VAV3: variants seen among roughly 807,000 people sequenced by gnomAD.
VAV3 encodes the protein vav guanine nucleotide exchange factor 3.
VAV3 carries 94 observed loss-of-function variants against 131.2 expected under a neutral mutation model. The observed-to-expected ratio is 0.72, with a 90% CI of 0.61 to 0.85. The LOEUF is 0.85. Among genes scored for constraint, VAV3 ranks in the 40% least tolerant of loss-of-function variants. The pLI is 0.00. For missense variants in VAV3, 939 were observed against 1,002.7 expected (o/e 0.94, Z 0.86); for synonymous variants, 349 against 342.0 (o/e 1.02, Z -0.22).
chr1:107,954,492 T>C (rs569348665), intron 1 of VAV3, among the ~76,000 whole-genome samples: 2 of 152,046 alleles, frequency 1.3e-5, no homozygotes, highest in Non-Finnish European at 2.9e-5. Context: ...AATAGTGTGA[T>C]AAATGTGTAT....
chr1:107,954,534 ATTTTT>A (rs5776909), intron 1 of VAV3, among the ~76,000 whole-genome samples: 4 of 130,570 alleles, frequency 3.1e-5, no homozygotes, highest in Admixed American at 7.8e-5. Flanking sequence ...CCTGAGGCAA[ATTTTT>A]TTTTTTTTTT....
intron 1 of VAV3, among the ~76,000 whole-genome samples, chr1:107,876,478 GA>G (rs980257850): frequency 6.6e-6 from 1 of 152,138 alleles, no homozygotes; most frequent in Non-Finnish European, 1.5e-5. Context: ...ACCTGATAGA[GA>G]GGGGAAAGCT....
At chr1:107,594,858 G>A (rs972136953) in intron 25 of VAV3, among the ~76,000 whole-genome samples, 1 of 152,036 alleles carries the variant, frequency 6.6e-6, no homozygotes, top group African/African-American at 2.4e-5. Context: ...GCTCTCTAGA[G>A]CTAAGTGAAC....
intron 1 of VAV3, among the ~76,000 whole-genome samples, chr1:107,955,248 T>C (rs958622646): frequency 2.0e-5 from 3 of 151,384 alleles, no homozygotes; most frequent in Non-Finnish European, 4.4e-5. Flanking sequence ...GGTGAAGTAA[T>C]GTTACCTGCT....
intron 20 of VAV3, among the ~76,000 whole-genome samples, chr1:107,625,146 A>G (rs1022178122): frequency 6.6e-6 from 1 of 152,088 alleles, no homozygotes. Context: ...CTTATATTAT[A>G]TAAGCACTTT....
At chr1:107,918,696 T>C (rs934920882) in intron 1 of VAV3, among the ~76,000 whole-genome samples, 3 of 77,784 alleles carry the variant, frequency 3.9e-5, no homozygotes, top group Non-Finnish European at 9.7e-5. Flanking sequence ...CATATATATA[T>C]ATATATATAT....
intron 15 of VAV3, among the ~76,000 whole-genome samples, chr1:107,735,946 C>T (rs1369463391): frequency 2.0e-5 from 3 of 152,040 alleles, no homozygotes; most frequent in African/African-American, 2.4e-5. Flanking sequence ...AACATCAATA[C>T]AAAAATCCTC....
At chr1:107,573,549 A>T (rs1001765758) in intron 26 of VAV3, among the ~76,000 whole-genome samples, 177 bp from the exon 27 acceptor site, 2 of 152,206 alleles carry the variant, frequency 1.3e-5, no homozygotes, top group African/African-American at 4.8e-5. Context: ...AAATGATCGA[A>T]ATGGAGGAAT....
intron 19 of VAV3, among the ~76,000 whole-genome samples, chr1:107,664,413 A>G (rs1657264265): frequency 6.6e-6 from 1 of 151,770 alleles, no homozygotes; most frequent in Admixed American, 6.6e-5. Flanking sequence ...ACATGTTCTC[A>G]TCGTTCAGTT....
At chr1:107,904,194 GGC>G (rs1280901065) in intron 1 of VAV3, among the ~76,000 whole-genome samples, 1 of 152,062 alleles carries the variant, frequency 6.6e-6, no homozygotes, top group African/African-American at 2.4e-5. Context: ...AATCAGAAAA[GGC>G]ACCCTTCCTT....
intron 1 of VAV3, among the ~76,000 whole-genome samples, chr1:107,929,743 A>G (rs1673331998): frequency 1.3e-5 from 2 of 152,198 alleles, no homozygotes; most frequent in South Asian, 4.1e-4. Flanking sequence ...TTGCTTGTGC[A>G]AACAGTTTTG....
intron 1 of VAV3, among the ~76,000 whole-genome samples, chr1:107,893,861 A>G (rs970327990): frequency 4.6e-5 from 7 of 152,226 alleles, no homozygotes; most frequent in Non-Finnish European, 1.0e-4. Flanking sequence ...TTTCCTGGGT[A>G]GGCTATTATG....
At chr1:107,868,276 C>A (rs1439931719) in intron 2 of VAV3, among the ~76,000 whole-genome samples, 1 of 152,032 alleles carries the variant, frequency 6.6e-6, no homozygotes, top group African/African-American at 2.4e-5. Context: ...AGATTTACAC[C>A]CTAAAATAAT....
intron 15 of VAV3, among the ~76,000 whole-genome samples, chr1:107,725,442 A>T (rs1487871381): frequency 6.6e-6 from 1 of 152,190 alleles, no homozygotes; most frequent in African/African-American, 2.4e-5. Context: ...ACACTGTGGA[A>T]CGTCTACACA....
intron 15 of VAV3, among the ~76,000 whole-genome samples, chr1:107,715,694 C>A (rs964955800): frequency 6.6e-6 from 1 of 152,086 alleles, no homozygotes; most frequent in Non-Finnish European, 1.5e-5. Flanking sequence ...TATCACTGAA[C>A]GGGGGTGGGG....
At chr1:107,940,961 G>A (rs184397807) in intron 1 of VAV3, among the ~76,000 whole-genome samples, 56 of 150,668 alleles carry the variant, frequency 3.7e-4, no homozygotes, top group African/African-American at 1.3e-3. Context: ...GGTTAAAATG[G>A]TAAGTTTTAT....
At chr1:107,760,977 G>T in intron 9 of VAV3, 98 bp from the exon 10 acceptor site, 1 of 677,886 alleles carries the variant, frequency 1.5e-6, no homozygotes, top group Non-Finnish European at 2.4e-6. Context: ...AAATGAGTGC[G>T]TTTGTTTCCT....
At chr1:107,913,414 C>T (rs559171260) in intron 1 of VAV3, among the ~76,000 whole-genome samples, 1 of 152,342 alleles carries the variant, frequency 6.6e-6, no homozygotes, top group East Asian at 1.9e-4. Context: ...TGAAAGTACA[C>T]TGCTAATCGC....
intron 2 of VAV3, among the ~76,000 whole-genome samples, chr1:107,867,829 G>A (rs1670071032): frequency 6.6e-6 from 1 of 152,174 alleles, no homozygotes; most frequent in Non-Finnish European, 1.5e-5. Context: ...ATGCCGCTCT[G>A]AGACTGGAAG....
Sources: gnomAD v4.1 joint callset for allele counts (sites outside exome capture counted in the v4.1 genomes callset) on GRCh38, gnomAD v4.1.1 for gene constraint, MANE v1.5 for transcripts, NCBI Gene and HGNC (gene_info 2026-07-23, HGNC 2026-07-21) for gene names.